Variants in CDC42BPB observed in about 807,000 individuals in gnomAD.
The protein encoded by CDC42BPB is CDC42 binding protein kinase beta, also known as serine/threonine-protein kinase MRCK beta.
CDC42BPB carries 37 observed loss-of-function variants against 214.9 expected under a neutral mutation model. The ratio of observed to expected loss-of-function variants is 0.17; its 90% confidence interval spans 0.13 to 0.23. CDC42BPB has a LOEUF of 0.23. CDC42BPB is among the 10% of genes least tolerant of loss of function. The probability of loss-of-function intolerance (pLI) is 1.00; values close to 1 mark genes in which losing one functional copy is unlikely to be tolerated. For missense variants in CDC42BPB, 1,694 were observed against 2,227.0 expected (o/e 0.76, Z 4.82); for synonymous variants, 931 against 884.0 (o/e 1.05, Z -0.94).
chr14:103,004,055 T>C lies in CDC42BPB; in HGVS notation c.352-32A>G, dbSNP rs986011048. On this transcript the variant is annotated intron_variant, in intron 3 of 36. Coordinates refer to ENST00000361246, the MANE Select transcript of CDC42BPB (RefSeq NM_006035.4). This position sits in a 1 kb window ranked among gnomAD's most constrained non-coding sequence, Gnocchi z 5.3. ...AGCAACGAGGGGTGTCAGTCTGTGTTCACTGGGAAGCAGGCCAGAGAGCGT... is the reference window on the plus strand; with the variant it reads ...AGCAACGAGGGGTGTCAGTCTGTGTCCACTGGGAAGCAGGCCAGAGAGCGT... The C allele has an allele frequency of 1.5e-5, 23 of 1,566,244 alleles. No individual in the cohort carries two copies. The highest frequency in any genetic ancestry group is 2.0e-5 in the Non-Finnish European group (23 of 1,159,188).
At chr14:103,013,751 G>A (rs1444125761) in intron 1 of CDC42BPB, among the ~76,000 whole-genome samples, 1 of 152,220 alleles carries the variant, frequency 6.6e-6, no homozygotes. Context: ...GTTCCCCGGA[G>A]CCTGCGAGGG....
chr14:102,958,404 C>T (rs947062848), intron 21 of CDC42BPB, among the ~76,000 whole-genome samples: 2 of 152,216 alleles, frequency 1.3e-5, no homozygotes, highest in Non-Finnish European at 2.9e-5. Flanking sequence ...GCACCCTATT[C>T]TTCCCACTCG....
chr14:102,986,717 CCT>C, intron 5 of CDC42BPB, 137 bp from the exon 6 acceptor site: 1 of 1,358,852 alleles, frequency 7.4e-7, no homozygotes, highest in Non-Finnish European at 9.5e-7. Flanking sequence ...AGTACAAATG[CCT>C]CTGTGTGACA....
intron 27 of CDC42BPB, chr14:102,946,918 G>A (rs562822997): frequency 1.4e-5 from 13 of 956,904 alleles, no homozygotes; most frequent in Admixed American, 6.2e-5. Context: ...TCCCATTTTC[G>A]TTAATTCTGC....
At position 102,966,200 on chromosome 14, in the gene CDC42BPB, T is replaced by C. The variant is rs185235736; in HGVS notation, c.2577+82A>G. 1,393 of 1,057,192 alleles carry C rather than the reference T, an allele frequency of 1.3e-3. 3 individuals are homozygous for C. The highest frequency in any genetic ancestry group is 6.7e-3 in the Middle Eastern group (33 of 4,930). The allele number at this position is 1,057,192 out of a possible 1,614,324, so 65.5% of individuals were successfully genotyped here. ...TCTTGCATCACTGTAATTCCCTAAATAGTACTTATATGTCACATTTATACT... is the reference window on the plus strand; with the variant it reads ...TCTTGCATCACTGTAATTCCCTAAACAGTACTTATATGTCACATTTATACT... On this transcript the variant is annotated intron_variant, in intron 18 of 36. Coordinates refer to ENST00000361246, the MANE Select transcript of CDC42BPB (RefSeq NM_006035.4).
chr14:103,023,569 A>AG (rs1449663591), intron 1 of CDC42BPB, among the ~76,000 whole-genome samples: 7 of 152,142 alleles, frequency 4.6e-5, no homozygotes, highest in African/African-American at 1.7e-4. Context: ...GGCCTTCCAA[A>AG]GTGTTGGAAT....
chr14:102,971,051 C>T lies in CDC42BPB; in HGVS notation c.1885-790G>A, dbSNP rs148910564. On this transcript the variant is annotated intron_variant, in intron 13 of 36. Transcript: ENST00000361246. ...GGCACAGGGCTGCAAACCCTGGGGT[C>T]CTGAGACATCAGGGGTGTGCAAGGC... Among the ~76,000 whole-genome samples the T allele has an allele frequency of 1.3e-3, 200 of 152,312 alleles. 1 individual carries two copies. The highest frequency in any genetic ancestry group is 4.5e-3 in the African/African-American group (189 of 41,550).
At chr14:103,018,489 G>A (rs897149323) in intron 1 of CDC42BPB, among the ~76,000 whole-genome samples, 8 of 152,234 alleles carry the variant, frequency 5.3e-5, no homozygotes, top group African/African-American at 1.7e-4. Context: ...GCTTAGAAAT[G>A]AATGGGACAG....
Position 103,004,336 on chromosome 14 carries a change from C to T in CDC42BPB, c.352-313G>A, listed in dbSNP as rs935967357. 3.1e-6 allele frequency: 1 copy of T among 319,550 alleles called. No individual in the cohort carries two copies. The highest frequency in any genetic ancestry group is 5.2e-6 in the Non-Finnish European group (1 of 190,626). 19.8% of individuals were successfully genotyped at this position (319,550 alleles called of 1,614,324 possible). A position where few individuals can be genotyped will look rare whatever the true frequency, so the allele number is the denominator to read the frequency against. On this transcript the variant is annotated intron_variant, in intron 3 of 36. Transcript: ENST00000361246. This position sits in a 1 kb window ranked among gnomAD's most constrained non-coding sequence, Gnocchi z 5.3. The stretch of plus-strand genomic sequence containing the variant: ...GGATTCCTGACTGGGCTCCTCCCAC[C>T]TGGCACCTCCTGACTCCTCTACCAG...
At chr14:103,018,938 C>T (rs1348342051) in intron 1 of CDC42BPB, among the ~76,000 whole-genome samples, 2 of 151,984 alleles carry the variant, frequency 1.3e-5, no homozygotes, top group African/African-American at 2.4e-5. Flanking sequence ...GCAGGCCATT[C>T]GGTTTTTTGG....
At chr14:102,936,632 G>A (rs1488940342) in intron 36 of CDC42BPB, among the ~76,000 whole-genome samples, 1 of 152,156 alleles carries the variant, frequency 6.6e-6, no homozygotes. Context: ...AAAGGGCAGG[G>A]GGTTTATTTT....
chr14:102,941,544 T>C (rs977148174), intron 30 of CDC42BPB: 12 of 985,302 alleles, frequency 1.2e-5, no homozygotes, highest in Non-Finnish European at 1.4e-5. Context: ...GACACTGCCC[T>C]TCAGGGAACC....
At chr14:103,050,703 G>T (rs1888552461) in intron 1 of CDC42BPB, among the ~76,000 whole-genome samples, 1 of 152,084 alleles carries the variant, frequency 6.6e-6, no homozygotes, top group African/African-American at 2.4e-5. Flanking sequence ...GCTGCAGTGA[G>T]ACATGACAGA....
At chr14:103,041,787 G>T in intron 1 of CDC42BPB, 1 of 465,314 alleles carries the variant, frequency 2.1e-6, no homozygotes. Flanking sequence ...AGTCCACCGA[G>T]TCCCTGCAGG....
chr14:103,047,279 C>CA (rs397852207), intron 1 of CDC42BPB, among the ~76,000 whole-genome samples: 2,505 of 93,338 alleles, frequency 0.027, 57 homozygotes, highest in African/African-American at 0.068. Flanking sequence ...GTAATACTCT[C>CA]AAAAAAAAAA....
chr14:103,038,101 C>T (rs1331363042), intron 1 of CDC42BPB, among the ~76,000 whole-genome samples: 2 of 151,612 alleles, frequency 1.3e-5, no homozygotes, highest in Non-Finnish European at 2.9e-5. Flanking sequence ...CTTTGGGAGG[C>T]CGAGGTGGGT....
intron 1 of CDC42BPB, among the ~76,000 whole-genome samples, chr14:103,030,801 T>C (rs1465450921): frequency 1.3e-5 from 2 of 152,068 alleles, no homozygotes; most frequent in Admixed American, 6.6e-5. Flanking sequence ...CTAGGCAACA[T>C]GGCGAAAGCC....
chr14:102,999,459 C>T, intron 5 of CDC42BPB, 106 bp downstream of exon 5: 1 of 1,110,890 alleles, frequency 9.0e-7, no homozygotes, highest in Non-Finnish European at 1.3e-6. Flanking sequence ...AAAGTGGGGA[C>T]TCGCTACCTA....
chr14:102,964,800 T>C (rs1893120924), intron 18 of CDC42BPB, 150 bp from the exon 19 acceptor site: 3 of 1,294,318 alleles, frequency 2.3e-6, no homozygotes, highest in East Asian at 3.1e-5. Context: ...TCAGGAGTTT[T>C]AGTTTTGATA....
Sources: gnomAD v4.1 joint callset for allele counts (sites outside exome capture counted in the v4.1 genomes callset) on GRCh38, gnomAD v4.1.1 for gene constraint, Gnocchi (gnomAD v3.1) non-coding constraint, MANE v1.5 for transcripts, NCBI Gene and HGNC (gene_info 2026-07-23, HGNC 2026-07-21) for gene names.